Variants in TENT2 observed in about 807,000 individuals in gnomAD.
TENT2 encodes the protein poly(A) RNA polymerase GLD2.
TENT2 carries 44 observed loss-of-function variants against 72.2 expected under a neutral mutation model. That is an observed-to-expected ratio of 0.61 (90% CI 0.48 to 0.78). The LOEUF is 0.78. TENT2 is among the 30% of genes least tolerant of loss of function. TENT2 has a pLI of 0.00. For missense variants in TENT2, 541 were observed against 569.6 expected (o/e 0.95, Z 0.51); for synonymous variants, 212 against 192.5 (o/e 1.10, Z -0.84).
At chr5:79,615,478 A>G (rs1758958947) in intron 1 of TENT2, among the ~76,000 whole-genome samples, 1 of 152,216 alleles carries the variant, frequency 6.6e-6, no homozygotes, top group Non-Finnish European at 1.5e-5. Flanking sequence ...TCCATTCACT[A>G]GATTTGTAGT....
chr5:79,637,359 C>T (rs939569644), intron 4 of TENT2, among the ~76,000 whole-genome samples: 3 of 152,078 alleles, frequency 2.0e-5, no homozygotes, highest in Non-Finnish European at 2.9e-5. Flanking sequence ...TTACCTCTTT[C>T]GAGATTCCAT....
chr5:79,619,501 A>G, intron 1 of TENT2, 111 bp from the exon 2 acceptor site: 1 of 771,936 alleles, frequency 1.3e-6, no homozygotes, highest in Non-Finnish European at 1.9e-6. Flanking sequence ...CTTTGCAAAT[A>G]AAATTTGTAA....
chr5:79,614,861 A>G (rs1158714048), intron 1 of TENT2, among the ~76,000 whole-genome samples: 1 of 152,210 alleles, frequency 6.6e-6, no homozygotes, highest in East Asian at 1.9e-4. Context: ...ATCAAAATCA[A>G]TGTGAAATGT....
chr5:79,659,554 ATGTATATATATATATATATAT>A (rs1800788441), intron 11 of TENT2, among the ~76,000 whole-genome samples: 4 of 47,278 alleles, frequency 8.5e-5, no homozygotes, highest in Admixed American at 2.8e-4. Flanking sequence ...AAAAAAAAAA[ATGTATATATATATATATATAT>A]ATATATATAT....
intron 14 of TENT2, 81 bp from the exon 15 acceptor site, chr5:79,685,118 C>T: frequency 2.8e-6 from 3 of 1,086,072 alleles, no homozygotes; most frequent in East Asian, 2.4e-5. Flanking sequence ...AGAGAACCAA[C>T]TATTAACATT....
At chr5:79,660,872 A>G (rs1337671016) in intron 11 of TENT2, among the ~76,000 whole-genome samples, 1 of 152,176 alleles carries the variant, frequency 6.6e-6, no homozygotes, top group Non-Finnish European at 1.5e-5. Flanking sequence ...TATTGTCCCC[A>G]AAGATCTTCC....
chr5:79,616,334 G>C (rs749055889), intron 1 of TENT2, among the ~76,000 whole-genome samples: 8 of 151,796 alleles, frequency 5.3e-5, no homozygotes, highest in Non-Finnish European at 1.2e-4. Flanking sequence ...AAGTAGCTGG[G>C]ATTACAGGCA....
intron 4 of TENT2, among the ~76,000 whole-genome samples, chr5:79,634,154 C>CAA (rs542035431): frequency 5.1e-4 from 30 of 59,046 alleles, no homozygotes; most frequent in East Asian, 1.0e-3. Context: ...GACTCCGTCT[C>CAA]AAAAAAAAAA....
At chr5:79,656,873 T>C in intron 10 of TENT2, 85 bp from the exon 11 acceptor site, 1 of 947,428 alleles carries the variant, frequency 1.1e-6, no homozygotes, top group Non-Finnish European at 1.6e-6. Flanking sequence ...CTTATGGTCT[T>C]ATACCTGGGA....
At chr5:79,646,247 A>G (rs1788886974) in intron 8 of TENT2, among the ~76,000 whole-genome samples, 1 of 152,208 alleles carries the variant, frequency 6.6e-6, no homozygotes, top group African/African-American at 2.4e-5. Flanking sequence ...GGCTTCGCTC[A>G]GGCATGAGTT....
chr5:79,671,551 C>T (rs971263595), intron 12 of TENT2, among the ~76,000 whole-genome samples: 23 of 151,832 alleles, frequency 1.5e-4, no homozygotes, highest in African/African-American at 4.8e-4. Flanking sequence ...ATTCCAGGTG[C>T]GTGCCACCAT....
chr5:79,673,085 A>T (rs1256091875), intron 12 of TENT2, among the ~76,000 whole-genome samples: 1 of 152,122 alleles, frequency 6.6e-6, no homozygotes, highest in South Asian at 2.1e-4. Context: ...TGCTCTTTGT[A>T]TGCCTTCTTT....
At chr5:79,681,334 AT>A (rs1434648534) in intron 13 of TENT2, among the ~76,000 whole-genome samples, 8 of 150,216 alleles carry the variant, frequency 5.3e-5, no homozygotes, top group Middle Eastern at 3.4e-3. Flanking sequence ...TAATTTTTGT[AT>A]TTTTAGTAGA....
chr5:79,656,594 C>A (rs1359243954), intron 10 of TENT2, among the ~76,000 whole-genome samples: 1 of 151,950 alleles, frequency 6.6e-6, no homozygotes, highest in Non-Finnish European at 1.5e-5. Context: ...ATTGCTACAT[C>A]CATCTTAATA....
At position 79,652,257 on chromosome 5, in the gene TENT2, G is replaced by A. The variant is rs193020042; in HGVS notation, c.1027+3067G>A. 6.8e-4 allele frequency among the ~76,000 whole-genome samples: 103 copies of A among 151,910 alleles called. 1 individual carries two copies. The highest frequency in any genetic ancestry group is 1.2e-3 in the Non-Finnish European group (80 of 67,866). On this transcript the variant is annotated intron_variant, in intron 10 of 14. Transcript: ENST00000453514. The stretch of plus-strand genomic sequence containing the variant: ...ATAGGGGAATGGTTAAATTAATTAC[G>A]ATATACCCTAATATGAGATCTACAT...
chr5:79,680,760 T>C (rs1821057517), intron 13 of TENT2, among the ~76,000 whole-genome samples: 1 of 152,170 alleles, frequency 6.6e-6, no homozygotes, highest in Non-Finnish European at 1.5e-5. Flanking sequence ...AAAATACTCT[T>C]TATTTGGTCC....
intron 11 of TENT2, 91 bp from the exon 12 acceptor site, chr5:79,668,801 T>G (rs1157142912): frequency 7.1e-6 from 10 of 1,415,528 alleles, no homozygotes; most frequent in Non-Finnish European, 8.5e-6. Flanking sequence ...CTTCTCTCTT[T>G]TTCAAAGAGG....
chr5:79,685,104 C>A, intron 14 of TENT2, 95 bp from the exon 15 acceptor site: 1 of 980,498 alleles, frequency 1.0e-6, no homozygotes, highest in South Asian at 1.4e-5. Context: ...AATTTATCAC[C>A]TAGAGAGAAC....
At chr5:79,643,016 T>G (rs1785654630) in intron 7 of TENT2, 106 bp downstream of exon 7, 1 of 1,303,020 alleles carries the variant, frequency 7.7e-7, no homozygotes, top group Non-Finnish European at 1.0e-6. Flanking sequence ...TCAGGATCAG[T>G]ATAATATGAA....
Sources: gnomAD v4.1 joint callset for allele counts (sites outside exome capture counted in the v4.1 genomes callset) on GRCh38, gnomAD v4.1.1 for gene constraint, MANE v1.5 for transcripts, NCBI Gene and HGNC (gene_info 2026-07-23, HGNC 2026-07-21) for gene names.